The following ITGAV variants were observed in gnomAD, a reference collection of about 807,000 sequenced individuals.
The protein encoded by ITGAV is integrin alpha-V.
A neutral mutation model predicts 143.8 loss-of-function variants in ITGAV; 76 were observed. The observed-to-expected ratio is 0.53, with a 90% CI of 0.44 to 0.64. The LOEUF is 0.64. ITGAV is among the 30% of genes least tolerant of loss of function. The pLI, the probability that ITGAV is intolerant of heterozygous loss-of-function variation, is 0.00. For missense variants in ITGAV, 1,193 were observed against 1,274.7 expected, an observed-to-expected ratio of 0.94 and a Z score of 0.98; for synonymous variants, 453 against 446.7, an observed-to-expected ratio of 1.01 and a Z score of -0.18.
intron 10 of ITGAV, 94 bp from the exon 11 acceptor site, chr2:186,640,821 A>G: frequency 9.9e-7 from 1 of 1,007,444 alleles, no homozygotes; most frequent in South Asian, 1.5e-5. Flanking sequence ...TGCAGAGAAA[A>G]AAAATAACCC....
At chr2:186,632,519 A>G (rs1217971869) in intron 5 of ITGAV, among the ~76,000 whole-genome samples, 1 of 152,188 alleles carries the variant, frequency 6.6e-6, no homozygotes, top group Admixed American at 6.6e-5. Flanking sequence ...TCCAGCAAGA[A>G]GAGATTTCTA....
In ITGAV at chr2:186,665,193, GA is replaced by G. The variant is rs1302252271; in HGVS notation, c.2144del (p.Asn715ThrfsTer3). On this transcript the variant is annotated frameshift_variant, in exon 21 of 30. Coordinates refer to ENST00000261023, the MANE Select transcript of ITGAV (RefSeq NM_002210.5). LOFTEE classifies it high-confidence loss of function. ...NQTRQVVCDL[G>X]NPMKAGTQLL... ...ACTCGCCAGGTGGTATGTGACCTTGGAAACCCAATGAAGGCTGGAACTCAAG... is the reference window on the plus strand; with the variant it reads ...ACTCGCCAGGTGGTATGTGACCTTGGAACCCAATGAAGGCTGGAACTCAAG... 6.2e-7 allele frequency: 1 copy of G among 1,611,242 alleles called. No homozygotes were observed.
At chr2:186,596,232 G>A (rs143018502) in intron 1 of ITGAV, among the ~76,000 whole-genome samples, 17 of 152,308 alleles carry the variant, frequency 1.1e-4, no homozygotes, top group Non-Finnish European at 1.6e-4. Context: ...GAGATTCAAA[G>A]TTACTGCTTC....
chr2:186,657,787 A>G (rs1327712861), intron 17 of ITGAV, among the ~76,000 whole-genome samples: 2 of 152,182 alleles, frequency 1.3e-5, no homozygotes, highest in Non-Finnish European at 2.9e-5. Context: ...GAAAAACAAT[A>G]CAACTGTCAA....
At chr2:186,592,589 A>G (rs955055239) in intron 1 of ITGAV, among the ~76,000 whole-genome samples, 9 of 149,998 alleles carry the variant, frequency 6.0e-5, no homozygotes, top group Non-Finnish European at 1.0e-4. Flanking sequence ...TTTTTTTTCC[A>G]TGAAAAATGC....
intron 21 of ITGAV, 81 bp from the exon 22 acceptor site, chr2:186,666,623 T>C: frequency 1.5e-6 from 1 of 678,960 alleles, no homozygotes; most frequent in Admixed American, 2.9e-5. Flanking sequence ...TTTAGAACAT[T>C]ATTTTTTATT....
At position 186,640,901 on chromosome 2, in the gene ITGAV, A is replaced by T. The variant is rs1241329876; in HGVS notation, c.904-14A>T. ...GATGAAATATAAACATTTCATTTTC[A>T]TCTTTTTATCCAGATGGCTGCATAT... On this transcript the variant is annotated splice_polypyrimidine_tract_variant and intron_variant, in intron 10 of 29. Coordinates refer to ENST00000261023, the MANE Select transcript of ITGAV (RefSeq NM_002210.5). 4 of 1,578,276 alleles carry T rather than the reference A, an allele frequency of 2.5e-6. No individual in the cohort carries two copies. In the Admixed American group the frequency reaches 6.9e-5, roughly 27 times the overall value.
intron 1 of ITGAV, among the ~76,000 whole-genome samples, chr2:186,594,870 A>G (rs904704464): frequency 6.6e-5 from 10 of 152,174 alleles, no homozygotes; most frequent in African/African-American, 2.2e-4. Context: ...AATAATATAC[A>G]TGTATATTAG....
intron 1 of ITGAV, among the ~76,000 whole-genome samples, chr2:186,592,082 T>C (rs1177935366): frequency 1.3e-5 from 2 of 152,220 alleles, no homozygotes; most frequent in Non-Finnish European, 2.9e-5. Flanking sequence ...CAATGTGAGA[T>C]ATAATTTGTA....
At chr2:186,659,523 T>C (rs1046304657) in intron 18 of ITGAV, among the ~76,000 whole-genome samples, 1 of 152,014 alleles carries the variant, frequency 6.6e-6, no homozygotes, top group Non-Finnish European at 1.5e-5. Flanking sequence ...ATTTTTGATA[T>C]TTTAATTTTA....
At chr2:186,645,747 C>T (rs1688238282) in intron 12 of ITGAV, among the ~76,000 whole-genome samples, 1 of 151,872 alleles carries the variant, frequency 6.6e-6, no homozygotes, top group Non-Finnish European at 1.5e-5. Context: ...GTGTGTGGAT[C>T]ACGAGGTCAG....
intron 2 of ITGAV, among the ~76,000 whole-genome samples, chr2:186,619,582 A>G (rs111820343): frequency 2.0e-5 from 3 of 152,166 alleles, no homozygotes; most frequent in African/African-American, 7.2e-5. Context: ...AACGTGCTAA[A>G]TGTTCAAGGT....
At position 186,680,048 on chromosome 2, in the gene ITGAV, G is replaced by A. The variant is rs766962662; in HGVS notation, c.*2756G>A. On this transcript the variant is annotated 3_prime_UTR_variant, in exon 30 of 30. Coordinates refer to ENST00000261023, the MANE Select transcript of ITGAV (RefSeq NM_002210.5). ...TAAAAGTATTGTATATAATAGATCAGCGATTTTTGTAAGGCAAACAGAATT... is the reference window on the plus strand; with the variant it reads ...TAAAAGTATTGTATATAATAGATCAACGATTTTTGTAAGGCAAACAGAATT... 4 of 152,058 alleles carry A rather than the reference G, an allele frequency of 2.6e-5. No homozygotes were observed. Among genetic ancestry groups the A allele is most frequent in the Non-Finnish European group, 5.9e-5 (4 of 67,942 alleles). The allele number at this position is 152,058 out of a possible 1,614,324, so 9.4% of individuals were successfully genotyped here. A position where few individuals can be genotyped will look rare whatever the true frequency, so the allele number is the denominator to read the frequency against.
chr2:186,651,624 G>A (rs961965195), intron 14 of ITGAV, among the ~76,000 whole-genome samples: 2 of 151,842 alleles, frequency 1.3e-5, no homozygotes, highest in Admixed American at 1.3e-4. Context: ...TTATGTCTTA[G>A]AGGTCATCCC....
intron 1 of ITGAV, among the ~76,000 whole-genome samples, chr2:186,598,776 T>A (rs1476797877): frequency 2.0e-5 from 3 of 152,138 alleles, no homozygotes; most frequent in Non-Finnish European, 4.4e-5. Context: ...CTAAGTTCAT[T>A]TTCTACCCAG....
chr2:186,641,000 A>G (rs1688087732), intron 11 of ITGAV, 33 bp downstream of exon 11: 2 of 1,484,324 alleles, frequency 1.3e-6, no homozygotes, highest in African/African-American at 1.4e-5. Context: ...CCAGAAAGTT[A>G]TCTTCTCATG....
chr2:186,613,006 TGACA>T (rs1224058123), intron 2 of ITGAV, among the ~76,000 whole-genome samples: 2 of 152,188 alleles, frequency 1.3e-5, no homozygotes, highest in African/African-American at 4.8e-5. Flanking sequence ...ACTAACTGAC[TGACA>T]GTCATACAGT....
chr2:186,590,621 C>T lies in ITGAV; in HGVS notation c.185+98C>T, dbSNP rs1022788466. 1.8e-5 allele frequency: 20 copies of T among 1,140,706 alleles called. No homozygotes were observed. In the Admixed American group the frequency reaches 3.1e-4, roughly 18 times the overall value. 70.7% of individuals were successfully genotyped at this position (1,140,706 alleles called of 1,614,324 possible). On this transcript the variant is annotated intron_variant, in intron 1 of 29. Coordinates refer to ENST00000261023, the MANE Select transcript of ITGAV (RefSeq NM_002210.5). ...GGGATTGATTTCCGAGAGATCCCGGCGTCTGTCTGTCTCACCCATCCTACC... is the reference window on the plus strand; with the variant it reads ...GGGATTGATTTCCGAGAGATCCCGGTGTCTGTCTGTCTCACCCATCCTACC...
intron 2 of ITGAV, among the ~76,000 whole-genome samples, chr2:186,620,759 A>C (rs1687498230): frequency 6.6e-6 from 1 of 152,148 alleles, no homozygotes; most frequent in Non-Finnish European, 1.5e-5. Flanking sequence ...CTAAATTTGA[A>C]ATTGAGGGAG....
Sources: gnomAD v4.1 joint callset for allele counts (sites outside exome capture counted in the v4.1 genomes callset) on GRCh38, gnomAD v4.1.1 for gene constraint, MANE v1.5 for transcripts, NCBI Gene and HGNC (gene_info 2026-07-23, HGNC 2026-07-21) for gene names.